The following DACH2 variants were observed in gnomAD, a reference collection of about 807,000 sequenced individuals.
DACH2 encodes dachshund family transcription factor 2.
DACH2 carries 17 observed loss-of-function variants against 35.8 expected under a neutral mutation model. That is an observed-to-expected ratio of 0.48 (90% CI 0.33 to 0.71). The LOEUF (loss-of-function observed/expected upper bound fraction) is 0.71, where lower values mean the gene tolerates loss of function less well. Among genes scored for constraint, DACH2 ranks in the 30% least tolerant of loss-of-function variants. DACH2 has a pLI of 0.02. For missense variants in DACH2, 469 were observed against 472.7 expected, an observed-to-expected ratio of 0.99 and a Z score of 0.07; for synonymous variants, 195 against 177.3, an observed-to-expected ratio of 1.10 and a Z score of -0.79.
At chrX:86,734,275 C>T (rs1450247563) in intron 6 of DACH2, among the ~76,000 whole-genome samples, 8 of 110,630 alleles carry the variant, frequency 7.2e-5, no homozygotes, top group Non-Finnish European at 1.5e-4. Context: ...TCCAGCTGCA[C>T]CCCCAATCTG....
intron 1 of DACH2, among the ~76,000 whole-genome samples, chrX:86,338,830 TAAA>T (rs1203426829): frequency 2.7e-5 from 3 of 111,181 alleles, no homozygotes; most frequent in African/African-American, 9.8e-5. Flanking sequence ...GCCAGACTAA[TAAA>T]GAAGAAAAGA....
intron 3 of DACH2, among the ~76,000 whole-genome samples, chrX:86,589,899 T>G (rs2039621589): frequency 8.9e-6 from 1 of 112,256 alleles, no homozygotes; most frequent in Non-Finnish European, 1.9e-5. Flanking sequence ...ACATTCCATT[T>G]ATTGGTTTTA....
At chrX:86,792,729 T>C (rs1046869260) in intron 7 of DACH2, among the ~76,000 whole-genome samples, 8 of 111,948 alleles carry the variant, frequency 7.1e-5, no homozygotes, top group African/African-American at 2.6e-4. Flanking sequence ...GGCCAAGTAG[T>C]ATTCTATTGT....
intron 6 of DACH2, among the ~76,000 whole-genome samples, chrX:86,719,805 T>A (rs1450375609): frequency 9.0e-6 from 1 of 110,566 alleles, no homozygotes; most frequent in Non-Finnish European, 1.9e-5. Flanking sequence ...CAAGGTGAGA[T>A]TTGGGTGGGG....
intron 3 of DACH2, among the ~76,000 whole-genome samples, chrX:86,641,233 C>T (rs1248085815): frequency 8.9e-6 from 1 of 111,750 alleles, no homozygotes; most frequent in Non-Finnish European, 1.9e-5. Context: ...AGCTGAAGGA[C>T]AAAACAGTCA....
At chrX:86,689,666 C>A (rs757263555) in intron 4 of DACH2, among the ~76,000 whole-genome samples, 6 of 111,545 alleles carry the variant, frequency 5.4e-5, no homozygotes, top group South Asian at 7.5e-4. Flanking sequence ...CATAAGATTA[C>A]TGGAAACATG....
At chrX:86,245,375 C>T (rs959844617) in intron 1 of DACH2, among the ~76,000 whole-genome samples, 1 of 111,867 alleles carries the variant, frequency 8.9e-6, no homozygotes, top group Non-Finnish European at 1.9e-5. Flanking sequence ...TGTGCACGAG[C>T]ATGGACCCTG....
At position 86,427,281 on chromosome X, in the gene DACH2, A is replaced by T. The variant is rs768643988; in HGVS notation, c.527+50419A>T. On this transcript the variant is annotated intron_variant, in intron 2 of 11. Coordinates refer to ENST00000373125, the MANE Select transcript of DACH2 (RefSeq NM_053281.3). ...TATGTTTGAGAGATGGGGTTTTTAGATTTTTTCCAGAAGTAATGCTGGAAA... is the reference window on the plus strand; with the variant it reads ...TATGTTTGAGAGATGGGGTTTTTAGTTTTTTTCCAGAAGTAATGCTGGAAA... Among the ~76,000 whole-genome samples, 152 of 111,186 alleles carry T rather than the reference A, an allele frequency of 1.4e-3. 1 individual carries two copies. The highest frequency in any genetic ancestry group is 4.7e-3 in the African/African-American group (143 of 30,723).
chrX:86,741,197 G>A (rs780099048), intron 7 of DACH2, among the ~76,000 whole-genome samples: 2 of 111,506 alleles, frequency 1.8e-5, no homozygotes, highest in South Asian at 7.5e-4. Context: ...AATTTGGGAG[G>A]CTAGGGAAGG....
At chrX:86,162,346 G>A (rs1397743387) in intron 1 of DACH2, among the ~76,000 whole-genome samples, 2 of 110,754 alleles carry the variant, frequency 1.8e-5, no homozygotes, top group African/African-American at 6.6e-5. Flanking sequence ...TTCTATTTGG[G>A]AATGAACAAA....
intron 1 of DACH2, among the ~76,000 whole-genome samples, chrX:86,299,059 C>A (rs1299091903): frequency 8.9e-6 from 1 of 111,832 alleles, no homozygotes; most frequent in Admixed American, 9.6e-5. Context: ...TCTTTAGATT[C>A]TGGGATATAT....
intron 7 of DACH2, among the ~76,000 whole-genome samples, chrX:86,751,851 C>G (rs2041777004): frequency 8.9e-6 from 1 of 111,816 alleles, no homozygotes; most frequent in African/African-American, 3.2e-5. Flanking sequence ...TGCCCATCAA[C>G]AGTGGATTGG....
intron 1 of DACH2, among the ~76,000 whole-genome samples, chrX:86,255,467 A>G (rs1449649559): frequency 8.9e-6 from 1 of 111,780 alleles, no homozygotes; most frequent in Non-Finnish European, 1.9e-5. Flanking sequence ...AAGAAGGTGC[A>G]GTGTGTAGTA....
chrX:86,621,510 G>A (rs2040068407), intron 3 of DACH2, among the ~76,000 whole-genome samples: 1 of 109,256 alleles, frequency 9.2e-6, no homozygotes, highest in East Asian at 2.9e-4. Flanking sequence ...TTTAATTCAT[G>A]GAACTATAAA....
intron 1 of DACH2, among the ~76,000 whole-genome samples, chrX:86,263,459 A>T (rs1039235365): frequency 9.0e-6 from 1 of 111,671 alleles, no homozygotes; most frequent in Admixed American, 9.6e-5. Flanking sequence ...GATTAACAAC[A>T]TGGGTGGGAG....
At chrX:86,271,432 C>A (rs2033812000) in intron 1 of DACH2, among the ~76,000 whole-genome samples, 1 of 111,836 alleles carries the variant, frequency 8.9e-6, no homozygotes, top group Non-Finnish European at 1.9e-5. Context: ...AATATATTTG[C>A]CTTTAGTTTC....
At chrX:86,804,040 A>G (rs969196296) in intron 7 of DACH2, among the ~76,000 whole-genome samples, 1 of 111,937 alleles carries the variant, frequency 8.9e-6, no homozygotes, top group Non-Finnish European at 1.9e-5. Context: ...TACATTCTCT[A>G]CAGTTTGAAT....
At chrX:86,330,628 A>G in intron 1 of DACH2, among the ~76,000 whole-genome samples, 1 of 111,984 alleles carries the variant, frequency 8.9e-6, no homozygotes. Flanking sequence ...ATTTTAAAAT[A>G]CTTTTTCTTA....
intron 6 of DACH2, among the ~76,000 whole-genome samples, chrX:86,728,982 G>A (rs964026986): frequency 1.8e-5 from 2 of 112,523 alleles, no homozygotes; most frequent in African/African-American, 6.5e-5. Flanking sequence ...CCCCACTGGG[G>A]CACTGCCTAG....
Sources: allele counts gnomAD v4.1 joint callset (sites outside exome capture counted in the v4.1 genomes callset), GRCh38; gene constraint gnomAD v4.1.1; transcripts MANE v1.5; gene names NCBI Gene and HGNC (gene_info 2026-07-23, HGNC 2026-07-21).